The following NTN1 variants were observed in gnomAD, a reference collection of about 807,000 sequenced individuals.
NTN1 encodes netrin 1, also known as netrin-1.
In NTN1, 11 loss-of-function variants were observed where a neutral mutation model predicts 54.2. The ratio of observed to expected loss-of-function variants is 0.20; its 90% confidence interval spans 0.13 to 0.34. NTN1 has a LOEUF of 0.34. NTN1 is among the 10% of genes least tolerant of loss of function. The pLI, the probability that NTN1 is intolerant of heterozygous loss-of-function variation, is 1.00. For missense variants in NTN1, 740 were observed against 893.1 expected (o/e 0.83, Z 2.18); for synonymous variants, 371 against 382.0 (o/e 0.97, Z 0.33).
At chr17:9,154,993 G>T (rs2092337224) in intron 2 of NTN1, among the ~76,000 whole-genome samples, 2 of 152,046 alleles carry the variant, frequency 1.3e-5, no homozygotes, top group Non-Finnish European at 2.9e-5. Context: ...GCCTGCATTT[G>T]CACAGGATCC....
intron 5 of NTN1, among the ~76,000 whole-genome samples, chr17:9,220,919 G>A (rs1030247908): frequency 1.6e-5 from 2 of 126,628 alleles, no homozygotes; most frequent in Admixed American, 1.8e-4. Flanking sequence ...GGCCAGGGTG[G>A]TTGCAGGCGG....
At chr17:9,215,779 A>G (rs946411237) in intron 5 of NTN1, among the ~76,000 whole-genome samples, 6 of 152,250 alleles carry the variant, frequency 3.9e-5, no homozygotes, top group Admixed American at 2.0e-4. Context: ...TATGTTTTGC[A>G]AAGATGTGTC....
intron 4 of NTN1, among the ~76,000 whole-genome samples, chr17:9,180,854 G>A (rs956610962): frequency 6.6e-6 from 1 of 152,200 alleles, no homozygotes; most frequent in Non-Finnish European, 1.5e-5. Context: ...AGAGCAGGTT[G>A]AAATAGCTTC....
intron 2 of NTN1, among the ~76,000 whole-genome samples, chr17:9,157,243 G>C (rs919200101): frequency 3.1e-4 from 47 of 152,246 alleles, no homozygotes; most frequent in African/African-American, 1.1e-3. Context: ...ACATGAGTTT[G>C]TTCCCTCCAT....
At chr17:9,025,553 A>G (rs562177275) in intron 2 of NTN1, among the ~76,000 whole-genome samples, 1 of 152,382 alleles carries the variant, frequency 6.6e-6, no homozygotes, top group Non-Finnish European at 1.5e-5. Context: ...CTTGCCAATT[A>G]TTCAGTCATC....
chr17:9,167,150 G>A (rs577912636), intron 3 of NTN1, among the ~76,000 whole-genome samples: 34 of 152,256 alleles, frequency 2.2e-4, no homozygotes, highest in Non-Finnish European at 4.4e-4. Context: ...GGACGGCCTC[G>A]TTATGGTGCA....
intron 2 of NTN1, among the ~76,000 whole-genome samples, chr17:9,036,430 C>G (rs915228781): frequency 4.4e-5 from 6 of 137,204 alleles, no homozygotes; most frequent in Non-Finnish European, 7.6e-5. Context: ...GGGTCTCGCT[C>G]TGTCATCCAG....
chr17:9,239,235 T>G lies in NTN1; in HGVS notation c.1487-405T>G, dbSNP rs534846570. Among the ~76,000 whole-genome samples the G allele has an allele frequency of 3.0e-4, 46 of 152,248 alleles. No individual in the cohort carries two copies. The highest frequency in any genetic ancestry group is 1.1e-3 in the African/African-American group (45 of 41,556). On this transcript the variant is annotated intron_variant, in intron 6 of 6. Coordinates refer to ENST00000173229, the MANE Select transcript of NTN1 (RefSeq NM_004822.3). The surrounding 1 kb of genome is among the most constrained non-coding windows in gnomAD (Gnocchi z 5.2). The stretch of plus-strand genomic sequence containing the variant: ...TCATGAGGGCTGGTGTAAAGTGACT[T>G]GGGCCTTTGGAGAAGCGCACCCCTG...
chr17:9,053,205 C>A (rs374958392), intron 2 of NTN1, among the ~76,000 whole-genome samples: 1 of 152,164 alleles, frequency 6.6e-6, no homozygotes, highest in Non-Finnish European at 1.5e-5. Context: ...GCAACAGAGA[C>A]CATGTGGCCT....
At chr17:9,075,147 T>C (rs2092045123) in intron 2 of NTN1, among the ~76,000 whole-genome samples, 2 of 152,262 alleles carry the variant, frequency 1.3e-5, no homozygotes, top group East Asian at 3.9e-4. Context: ...GATGGGATAG[T>C]CTTGGTCAAA....
chr17:9,131,581 C>CTTT (rs11361363), intron 2 of NTN1, among the ~76,000 whole-genome samples: 3 of 134,054 alleles, frequency 2.2e-5, no homozygotes, highest in Non-Finnish European at 4.8e-5. Context: ...TCCCTTGATG[C>CTTT]TTTTTTTTTT....
chr17:9,117,817 C>T (rs1341614788), intron 2 of NTN1, among the ~76,000 whole-genome samples: 1 of 151,710 alleles, frequency 6.6e-6, no homozygotes, highest in African/African-American at 2.4e-5. Flanking sequence ...CGTGTCATCC[C>T]CTGCCTCCAC....
intron 2 of NTN1, among the ~76,000 whole-genome samples, chr17:9,088,578 C>T (rs1016110670): frequency 6.6e-6 from 1 of 152,144 alleles, no homozygotes; most frequent in Non-Finnish European, 1.5e-5. Flanking sequence ...AGTCCCACCT[C>T]CACCCGCTCC....
At chr17:9,060,853 G>A (rs2091995456) in intron 2 of NTN1, among the ~76,000 whole-genome samples, 2 of 151,728 alleles carry the variant, frequency 1.3e-5, no homozygotes, top group African/African-American at 4.8e-5. Flanking sequence ...GCGCGTGCCT[G>A]TAGTCCAAGC....
In NTN1 at chr17:9,134,380, A is replaced by C. The variant is rs537322192; in HGVS notation, c.1019-28433A>C. On this transcript the variant is annotated intron_variant, in intron 2 of 6. Transcript: ENST00000173229. ...TGCTCACCCTCTCTCCCCCCAGAGCACTCCCTCCGGTTTCTGTGCCCGGCT... is the reference window on the plus strand; with the variant it reads ...TGCTCACCCTCTCTCCCCCCAGAGCCCTCCCTCCGGTTTCTGTGCCCGGCT... Among the ~76,000 whole-genome samples, 18 of 151,632 alleles carry C rather than the reference A, an allele frequency of 1.2e-4. No homozygotes were observed. The South Asian group carries it at 3.8e-3, about 32-fold the overall frequency.
chr17:9,202,147 G>A lies in NTN1; in HGVS notation c.1412-19021G>A, dbSNP rs148320209. Among the ~76,000 whole-genome samples the A allele has an allele frequency of 1.4e-3, 209 of 150,104 alleles. 1 individual carries two copies. The highest frequency in any genetic ancestry group is 4.6e-3 in the African/African-American group (188 of 40,750). ...TCCCAGCTACTCAGGAGGCTGAGGC[G>A]GGAGAATCGCTTGAACCCGGGAAGC... is the stretch of plus-strand genomic sequence containing the variant. On this transcript the variant is annotated intron_variant, in intron 5 of 6. Coordinates refer to ENST00000173229, the MANE Select transcript of NTN1 (RefSeq NM_004822.3).
chr17:9,066,452 C>T (rs1009852754), intron 2 of NTN1, among the ~76,000 whole-genome samples: 5 of 151,144 alleles, frequency 3.3e-5, no homozygotes, highest in African/African-American at 9.7e-5. Context: ...TATGGTGAAA[C>T]CCTGTCTCTA....
intron 6 of NTN1, among the ~76,000 whole-genome samples, chr17:9,232,622 A>G (rs1597552779): frequency 6.6e-6 from 1 of 152,154 alleles, no homozygotes; most frequent in Non-Finnish European, 1.5e-5. Context: ...TGGCAGGCAC[A>G]TGGCAGGAGA....
intron 2 of NTN1, among the ~76,000 whole-genome samples, chr17:9,086,645 A>G (rs1303136994): frequency 7.2e-5 from 11 of 152,070 alleles, no homozygotes; most frequent in Non-Finnish European, 7.4e-5. Flanking sequence ...CACTGTGACC[A>G]CCTACCTTCA....
Sources: allele counts gnomAD v4.1 joint callset (sites outside exome capture counted in the v4.1 genomes callset), GRCh38; gene constraint gnomAD v4.1.1; non-coding constraint Gnocchi (gnomAD v3.1); transcripts MANE v1.5; gene names NCBI Gene and HGNC (gene_info 2026-07-23, HGNC 2026-07-21).